The following WDPCP variants were observed in gnomAD, a reference collection of about 807,000 sequenced individuals.
WDPCP encodes the protein WD repeat containing planar cell polarity effector.
Under a neutral mutation model 93.1 loss-of-function variants are expected in WDPCP, and 71 were observed. The observed-to-expected ratio is 0.76, with a 90% CI of 0.63 to 0.93. The LOEUF (loss-of-function observed/expected upper bound fraction) is 0.93, where lower values mean the gene tolerates loss of function less well. WDPCP is among the 40% of genes least tolerant of loss of function. WDPCP has a pLI of 0.00. For synonymous variants in WDPCP, 315 were observed against 315.0 expected, an observed-to-expected ratio of 1.00 and a Z score of 0.00; for missense variants, 844 against 887.4, an observed-to-expected ratio of 0.95 and a Z score of 0.62.
Position 63,606,959 on chromosome 2 carries a change from G to A in WDPCP, n.488+43700C>T. Reference sequence around the variant, plus strand: ...AAGGAACTGACAGAAGAAAAAGAAAGTGCTTTTGAATTTCTTTCCTCTGCC... The same window carrying A: ...AAGGAACTGACAGAAGAAAAAGAAAATGCTTTTGAATTTCTTTCCTCTGCC... On this transcript the variant is annotated intron_variant and non_coding_transcript_variant, in intron 3 of 4. Transcript: ENST00000467687. The A allele has an allele frequency of 6.2e-7, 1 of 1,612,304 alleles. No homozygotes were observed. The highest frequency in any genetic ancestry group is 8.5e-7 in the Non-Finnish European group (1 of 1,179,204).
Position 63,487,486 on chromosome 2 carries a change from T to C in WDPCP, c.169A>G (p.Ile57Val). 1 of 1,593,614 alleles carries C rather than the reference T, an allele frequency of 6.3e-7. No homozygotes were observed. Among genetic ancestry groups the C allele is most frequent in the Non-Finnish European group, 8.6e-7 (1 of 1,162,592 alleles). ...KNTLHIADRD[I>V]GIYQYYDKKD... ...TTGTCATAATACTGGTAGATCCCAATGTCTCTATCTATAGAAAGGAAGAAA... is the reference window on the plus strand; with the variant it reads ...TTGTCATAATACTGGTAGATCCCAACGTCTCTATCTATAGAAAGGAAGAAA... The change falls in exon 3 of 18, where the codon ATT (isoleucine) becomes GTT (valine). Residue 57 changes from isoleucine to valine, a missense_variant. Coordinates refer to ENST00000272321, the MANE Select transcript of WDPCP (RefSeq NM_015910.7).
intron 14 of WDPCP, among the ~76,000 whole-genome samples, chr2:63,215,717 A>C (rs1406035598): frequency 6.6e-6 from 1 of 152,230 alleles, no homozygotes; most frequent in Non-Finnish European, 1.5e-5. Flanking sequence ...AATGGGATCT[A>C]ATTAAACTAA....
chr2:63,603,805 G>A (rs1709476325), intron 3 of WDPCP, among the ~76,000 whole-genome samples: 2 of 151,978 alleles, frequency 1.3e-5, no homozygotes, highest in Admixed American at 1.3e-4. Context: ...TTACAGACAT[G>A]TGCCACCAAG....
At chr2:63,580,190 C>A (rs183858722) in intron 1 of WDPCP, among the ~76,000 whole-genome samples, 1 of 152,218 alleles carries the variant, frequency 6.6e-6, no homozygotes, top group African/African-American at 2.4e-5. Context: ...AGGAAAAACT[C>A]AAACTTACAG....
chr2:63,152,897 CAG>C lies in WDPCP; in HGVS notation c.2190+15_2190+16del, dbSNP rs1330275974. 1.9e-6 allele frequency: 3 copies of C among 1,608,578 alleles called. No individual in the cohort carries two copies. Among genetic ancestry groups the C allele is most frequent in the Non-Finnish European group, 2.6e-6 (3 of 1,175,442 alleles). On this transcript the variant is annotated intron_variant, in intron 17 of 17. Coordinates refer to ENST00000272321, the MANE Select transcript of WDPCP (RefSeq NM_015910.7). ...TAGAATTTAAATGTCTAGTAATAAA[CAG>C]AGAAAGTGTTTTACCTGTTCTCTGC...
intron 2 of WDPCP, among the ~76,000 whole-genome samples, chr2:63,813,429 A>T (rs1670888166): frequency 6.6e-6 from 1 of 151,266 alleles, no homozygotes; most frequent in African/African-American, 2.4e-5. Context: ...ATCTGGAAAA[A>T]CTCATATTTC....
intron 2 of WDPCP, among the ~76,000 whole-genome samples, chr2:63,779,168 T>C (rs1439439343): frequency 1.3e-5 from 2 of 152,192 alleles, no homozygotes; most frequent in African/African-American, 4.8e-5. Context: ...ACAAGAAGGT[T>C]CAAAACTAAG....
chr2:63,252,681 C>T (rs1489807730), intron 14 of WDPCP, among the ~76,000 whole-genome samples: 1 of 152,050 alleles, frequency 6.6e-6, no homozygotes, highest in Non-Finnish European at 1.5e-5. Flanking sequence ...AATATCAATA[C>T]ACAAACAAAA....
intron 6 of WDPCP, among the ~76,000 whole-genome samples, chr2:63,468,682 C>G (rs1434899755): frequency 1.3e-5 from 2 of 152,092 alleles, no homozygotes; most frequent in Non-Finnish European, 2.9e-5. Context: ...CATCAGATAC[C>G]AGGCACCTAC....
chr2:63,524,529 T>G (rs1347939510), intron 1 of WDPCP, among the ~76,000 whole-genome samples: 1 of 152,122 alleles, frequency 6.6e-6, no homozygotes. Flanking sequence ...ATAAATGGTG[T>G]TGGGATAACT....
At chr2:63,686,424 A>G (rs1412423497) in intron 2 of WDPCP, among the ~76,000 whole-genome samples, 2 of 152,222 alleles carry the variant, frequency 1.3e-5, no homozygotes, top group Non-Finnish European at 2.9e-5. Context: ...TAAAACACTG[A>G]TTCTAGATAT....
chr2:63,681,077 G>C (rs898600277), intron 2 of WDPCP, among the ~76,000 whole-genome samples: 2 of 152,184 alleles, frequency 1.3e-5, no homozygotes, highest in Admixed American at 6.5e-5. Flanking sequence ...GTGAGACCGA[G>C]ATGTACCGGC....
intron 2 of WDPCP, among the ~76,000 whole-genome samples, chr2:63,734,870 T>TAGACAGACAGACAGAC (rs10586648): frequency 2.8e-5 from 4 of 141,330 alleles, no homozygotes; most frequent in Non-Finnish European, 6.2e-5. Context: ...GATAGATAGA[T>TAGACAGACAGACAGAC]AGACAGACAG....
rs576357634 is a variant in WDPCP at position 63,147,980 on chromosome 2, A to C, written c.2190+4934T>G. On this transcript the variant is annotated intron_variant, in intron 17 of 17. Transcript: ENST00000272321. ...AAGACTCTGTCTCAAAAAAAAAAAA[A>C]AAAAAAAACTTACAGCCTAGTGAAG... Among the ~76,000 whole-genome samples the C allele has an allele frequency of 2.6e-5, 4 of 151,574 alleles. No individual in the cohort carries two copies. In the South Asian group the frequency reaches 6.3e-4, roughly 24 times the overall value.
chr2:63,780,298 A>C (rs1670367746), intron 2 of WDPCP, among the ~76,000 whole-genome samples: 2 of 152,100 alleles, frequency 1.3e-5, no homozygotes, highest in Admixed American at 1.3e-4. Flanking sequence ...GGTTCAACAC[A>C]TTTTAGTTTG....
chr2:63,262,212 C>T (rs866671091), intron 13 of WDPCP, among the ~76,000 whole-genome samples: 1 of 152,018 alleles, frequency 6.6e-6, no homozygotes, highest in South Asian at 2.1e-4. Context: ...GTTTTCTGTT[C>T]TTTGATAAAC....
intron 10 of WDPCP, among the ~76,000 whole-genome samples, chr2:63,389,858 T>C (rs1220025796): frequency 6.6e-6 from 1 of 152,144 alleles, no homozygotes; most frequent in Non-Finnish European, 1.5e-5. Flanking sequence ...ATCCTAAATA[T>C]ATATGCACCC....
chr2:63,484,566 T>C (rs76701852), intron 6 of WDPCP, 38 bp downstream of exon 6: 274 of 1,611,174 alleles, frequency 1.7e-4, no homozygotes, highest in Middle Eastern at 5.0e-4. Context: ...TTCAGCTCCA[T>C]TGGTTAAACA....
intron 12 of WDPCP, among the ~76,000 whole-genome samples, chr2:63,318,908 T>TGTA (rs1336428032): frequency 1.3e-5 from 2 of 152,068 alleles, no homozygotes; most frequent in Admixed American, 6.6e-5. Context: ...AACCGGCTGA[T>TGTA]GTACCCTTGA....
Sources: gnomAD v4.1 joint callset for allele counts (sites outside exome capture counted in the v4.1 genomes callset) on GRCh38, gnomAD v4.1.1 for gene constraint, MANE v1.5 for transcripts, NCBI Gene and HGNC (gene_info 2026-07-23, HGNC 2026-07-21) for gene names.